Variants in DYSF observed in about 807,000 individuals in gnomAD.
DYSF encodes dystrophy-associated fer-1-like 1.
A neutral mutation model predicts 274.9 loss-of-function variants in DYSF; 212 were observed. The ratio of observed to expected loss-of-function variants is 0.77; its 90% CI spans 0.69 to 0.86. The LOEUF (loss-of-function observed/expected upper bound fraction) is 0.86, where lower values mean the gene tolerates loss of function less well. Ranked by LOEUF, DYSF falls within the 40% of genes least tolerant of loss-of-function variation. DYSF has a pLI of 0.00. For missense variants in DYSF, 2,666 were observed against 2,783.2 expected, an observed-to-expected ratio of 0.96 and a Z score of 0.95; for synonymous variants, 1,091 against 1,078.7, an observed-to-expected ratio of 1.01 and a Z score of -0.22.
rs779530094 is a variant in DYSF, at chr2:71,528,359, C to G, written c.1338C>G (p.Asn446Lys). 6.2e-7 allele frequency: 1 copy of G among 1,614,180 alleles called. No homozygotes were observed. The highest frequency in any genetic ancestry group is 8.5e-7 in the Non-Finnish European group (1 of 1,180,034). Reference protein sequence around the residue: ...QIFGFESNKKNLVDPFVEVSF... With the variant: ...QIFGFESNKKKLVDPFVEVSF... ...TTGGCTTCGAGAGTAACAAGAAGAACTTGGTGGACCCCTTTGTGGAGGTCA... is the reference window on the plus strand; with the variant it reads ...TTGGCTTCGAGAGTAACAAGAAGAAGTTGGTGGACCCCTTTGTGGAGGTCA... Residue 446 changes from asparagine to lysine, a missense_variant, in exon 14 of 56, where the codon AAC (asparagine) becomes AAG (lysine). Coordinates refer to ENST00000410020, the MANE Select transcript of DYSF (RefSeq NM_001130987.2).
chr2:71,487,256 C>A (rs2015841563), intron 3 of DYSF, among the ~76,000 whole-genome samples: 1 of 152,128 alleles, frequency 6.6e-6, no homozygotes, highest in African/African-American at 2.4e-5. Context: ...TAATTAATTC[C>A]ACGTGGCTAG....
intron 32 of DYSF, among the ~76,000 whole-genome samples, chr2:71,596,430 C>T (rs1195527419): frequency 6.6e-6 from 1 of 152,170 alleles, no homozygotes; most frequent in Admixed American, 6.5e-5. Context: ...GGGGCTTTTT[C>T]GCTGGCTCTC....
At chr2:71,664,006 A>C (rs1298586518) in intron 45 of DYSF, among the ~76,000 whole-genome samples, 1 of 152,072 alleles carries the variant, frequency 6.6e-6, no homozygotes, top group Non-Finnish European at 1.5e-5. Flanking sequence ...GTGCATTTCC[A>C]ATTCATTCTT....
At chr2:71,570,028 C>A in intron 27 of DYSF, 94 bp downstream of exon 27, 1 of 1,231,696 alleles carries the variant, frequency 8.1e-7, no homozygotes, top group Non-Finnish European at 1.2e-6. Flanking sequence ...TTCTCTTTGC[C>A]CCCTCTTACC....
Position 71,570,680 on chromosome 2 carries a change from G to C in DYSF, c.3167G>C (p.Arg1056Pro), listed in dbSNP as rs150877497. Reference sequence around the variant, plus strand: ...GCTGAGAAGATGTACTACACACACCGACGGCGGCGCTGGGTGCGCCTGCGC... The same window carrying C: ...GCTGAGAAGATGTACTACACACACCCACGGCGGCGCTGGGTGCGCCTGCGC... ...VPAEKMYYTH[R>P]RRRWVRLRRR... The change falls in exon 29 of 56, where the codon CGA becomes CCA. Residue 1056 changes from arginine to proline, a missense_variant. Transcript: ENST00000410020. 9 of 1,614,090 alleles carry C rather than the reference G, an allele frequency of 5.6e-6. No homozygotes were observed. Among genetic ancestry groups the C allele is most frequent in the Non-Finnish European group, 7.6e-6 (9 of 1,179,978 alleles).
At position 71,618,017 on chromosome 2, in the gene DYSF, G is replaced by T. The variant is rs200722118; in HGVS notation, c.4465-2530G>T. 7.5e-4 allele frequency among the ~76,000 whole-genome samples: 91 copies of T among 121,258 alleles called. 1 individual carries two copies. The East Asian group carries it at 0.019, about 25-fold the overall frequency. 79.5% of individuals were successfully genotyped at this position (121,258 alleles called of 152,430 possible). A position where few individuals can be genotyped will look rare whatever the true frequency, so the allele number is the denominator to read the frequency against. ...GTATATGTGTGTGTGGTAGAGATGG[G>T]GTGTGTGTGTGTGGTAGAGATGGTG... On this transcript the variant is annotated intron_variant, in intron 40 of 55. Transcript: ENST00000410020.
intron 3 of DYSF, among the ~76,000 whole-genome samples, chr2:71,502,955 G>A (rs1436573343): frequency 6.6e-6 from 1 of 152,136 alleles, no homozygotes; most frequent in African/African-American, 2.4e-5. Flanking sequence ...GGGCAGGAAG[G>A]GGTCAAGGTG....
intron 32 of DYSF, among the ~76,000 whole-genome samples, chr2:71,592,678 G>A (rs768541751): frequency 2.0e-5 from 3 of 152,226 alleles, no homozygotes; most frequent in South Asian, 2.1e-4. Context: ...GCTGCCTGCC[G>A]GGTGTCTGGG....
At chr2:71,551,556 C>G (rs1488831333) in intron 18 of DYSF, 51 bp from the exon 19 acceptor site, 2 of 1,505,418 alleles carry the variant, frequency 1.3e-6, no homozygotes, top group Admixed American at 3.9e-5. Flanking sequence ...CCTTTCCTTC[C>G]CCTCCTCCCC....
intron 3 of DYSF, among the ~76,000 whole-genome samples, chr2:71,489,200 C>T (rs1198526198): frequency 6.6e-6 from 1 of 152,096 alleles, no homozygotes; most frequent in Non-Finnish European, 1.5e-5. Flanking sequence ...GCTCTTGTTC[C>T]CCCGTGCTTC....
chr2:71,484,946 T>C lies in DYSF; in HGVS notation c.239+2976T>C, dbSNP rs569472614. The stretch of plus-strand genomic sequence containing the variant: ...GCCCCTGTGGGTGTTCTCTAGCTCC[T>C]GGGGGCAGCTAGCTCCCTAAAAACC... On this transcript the variant is annotated intron_variant, in intron 3 of 55. Transcript: ENST00000410020. Among the ~76,000 whole-genome samples, 14 of 152,226 alleles carry C rather than the reference T, an allele frequency of 9.2e-5. No homozygotes were observed. In the East Asian group the frequency reaches 2.5e-3, roughly 27 times the overall value.
chr2:71,644,790 G>A (rs2094542509), intron 42 of DYSF, among the ~76,000 whole-genome samples: 1 of 152,224 alleles, frequency 6.6e-6, no homozygotes, highest in Admixed American at 6.5e-5. Context: ...GGCTAGGGTT[G>A]CCAGTTAAAA....
chr2:71,518,768 G>A (rs959901152), intron 10 of DYSF, among the ~76,000 whole-genome samples: 2 of 151,854 alleles, frequency 1.3e-5, no homozygotes, highest in African/African-American at 4.8e-5. Flanking sequence ...GTTGTCAGAA[G>A]TTACCTTAGA....
At chr2:71,664,092 C>T (rs909666083) in intron 45 of DYSF, among the ~76,000 whole-genome samples, 176 bp from the exon 46 acceptor site, 5 of 152,180 alleles carry the variant, frequency 3.3e-5, no homozygotes, top group African/African-American at 7.2e-5. Flanking sequence ...GTCCCCCTTC[C>T]CCCTACACAC....
chr2:71,627,531 T>C (rs940036861), intron 41 of DYSF, among the ~76,000 whole-genome samples: 6 of 152,252 alleles, frequency 3.9e-5, no homozygotes, highest in Non-Finnish European at 8.8e-5. Flanking sequence ...CTGTCCTGTG[T>C]GTGCTTGAAA....
intron 40 of DYSF, among the ~76,000 whole-genome samples, chr2:71,614,755 C>CA (rs2093845567): frequency 6.6e-6 from 1 of 152,140 alleles, no homozygotes; most frequent in African/African-American, 2.4e-5. Context: ...TCTGTCTTGG[C>CA]AAGTGGGTAG....
rs796163016 is a variant in DYSF at position 71,618,151 on chromosome 2, GGT to G, written c.4465-2378_4465-2377del. Among the ~76,000 whole-genome samples the G allele has an allele frequency of 3.9e-3, 95 of 24,402 alleles. 1 individual carries two copies. The highest frequency in any genetic ancestry group is 0.013 in the African/African-American group (74 of 5,694). The allele number at this position is 24,402 out of a possible 152,430, so 16.0% of individuals were successfully genotyped here. ...TAGAGGTGGCGTGTGTGGTAGAGGT[GGT>G]GTGTGTGTGTGTGTGTGGTAGAGGT... On this transcript the variant is annotated intron_variant, in intron 40 of 55. Transcript: ENST00000410020.
intron 50 of DYSF, 78 bp from the exon 51 acceptor site, chr2:71,669,527 T>C: frequency 6.3e-7 from 1 of 1,574,996 alleles, no homozygotes; most frequent in Non-Finnish European, 8.7e-7. Flanking sequence ...CTTAACTCCT[T>C]GTCTGCCTAA....
At chr2:71,504,927 T>C (rs1200218209) in intron 4 of DYSF, among the ~76,000 whole-genome samples, 5 of 152,228 alleles carry the variant, frequency 3.3e-5, no homozygotes, top group African/African-American at 1.2e-4. Flanking sequence ...CTGCCTTCTC[T>C]TCCCTGGCTG....
Sources: allele counts gnomAD v4.1 joint callset (sites outside exome capture counted in the v4.1 genomes callset), GRCh38; gene constraint gnomAD v4.1.1; transcripts MANE v1.5; gene names NCBI Gene and HGNC (gene_info 2026-07-23, HGNC 2026-07-21).